The following DOT1L variants were observed in gnomAD, a reference collection of about 807,000 sequenced individuals.
DOT1L encodes the protein DOT1 like histone lysine methyltransferase, also known as histone-lysine N-methyltransferase, H3 lysine-79 specific.
DOT1L carries 33 observed loss-of-function variants against 153.3 expected under a neutral mutation model. The observed-to-expected ratio is 0.22, with a 90% CI of 0.16 to 0.29. DOT1L has a LOEUF of 0.29. DOT1L is among the 10% of genes least tolerant of loss of function. DOT1L has a pLI of 1.00. For synonymous variants in DOT1L, 1,135 were observed against 965.1 expected (o/e 1.18, Z -3.26); for missense variants, 1,847 against 2,119.9 (o/e 0.87, Z 2.53).
At chr19:2,210,353 G>T in intron 12 of DOT1L, 47 bp from the exon 13 acceptor site, 1 of 1,443,032 alleles carries the variant, frequency 6.9e-7, no homozygotes, top group Non-Finnish European at 9.1e-7. Flanking sequence ...CAGGAGGGCC[G>T]TGGGCAGCGC....
chr19:2,216,785 TG>T lies in DOT1L; in HGVS notation c.2408+25del, dbSNP rs2144870563. 6.3e-7 allele frequency: 1 copy of T among 1,575,512 alleles called. No homozygotes were observed. Among genetic ancestry groups the T allele is most frequent in the Non-Finnish European group, 8.6e-7 (1 of 1,163,488 alleles). ...TTCGAGGTGAGTGCCCTGGTGGGGC[TG>T]GGGGTCTGCAGCTGGTACCTGCCGA... is the stretch of plus-strand genomic sequence containing the variant. On this transcript the variant is annotated intron_variant, in intron 20 of 27. Transcript: ENST00000398665.
In DOT1L at chr19:2,220,772, G is replaced by T. The variant is rs1432445959; in HGVS notation, c.2806+550G>T. On this transcript the variant is annotated intron_variant, in intron 23 of 27. Transcript: ENST00000398665. The surrounding 1 kb of genome is among the most constrained non-coding windows in gnomAD (Gnocchi z 4.5). ...ACAGCATGTCAGCGGGCATGGCTGT[G>T]TGCCAGCAAAACTGTACTTAAAACA... is the stretch of plus-strand genomic sequence containing the variant. 2.9e-6 allele frequency: 1 copy of T among 345,322 alleles called. No individual in the cohort carries two copies. Among genetic ancestry groups the T allele is most frequent in the East Asian group, 7.6e-5 (1 of 13,112 alleles). The allele number at this position is 345,322 out of a possible 1,614,324, so 21.4% of individuals were successfully genotyped here. A position where few individuals can be genotyped will look rare whatever the true frequency, so the allele number is the denominator to read the frequency against.
chr19:2,228,562 A>G (rs1003036431), intron 27 of DOT1L: 2 of 985,202 alleles, frequency 2.0e-6, no homozygotes, highest in Non-Finnish European at 2.4e-6. Context: ...GGCACCAGCC[A>G]TGGAGTGGCC....
intron 7 of DOT1L, among the ~76,000 whole-genome samples, chr19:2,199,404 C>T (rs2023152641): frequency 6.6e-6 from 1 of 152,258 alleles, no homozygotes; most frequent in African/African-American, 2.4e-5. Context: ...CCGAGTGTCG[C>T]TGCCTGCCGC....
Position 2,210,999 on chromosome 19 carries a change from C to T in DOT1L, c.1352-100C>T, listed in dbSNP as rs530028745. 1.2e-5 allele frequency: 17 copies of T among 1,459,442 alleles called. No homozygotes were observed. The South Asian group carries it at 1.7e-4, about 15-fold the overall frequency. The allele number at this position is 1,459,442 out of a possible 1,614,324, so 90.4% of individuals were successfully genotyped here. A position where few individuals can be genotyped will look rare whatever the true frequency, so the allele number is the denominator to read the frequency against. On this transcript the variant is annotated intron_variant, in intron 14 of 27. Transcript: ENST00000398665. ...GTTGTGGCTGTGCCTTCAGGGTGGC[C>T]CCATCCTAAGGGGTTGCTGGGCACC...
chr19:2,179,576 G>C (rs1416117870), intron 1 of DOT1L, among the ~76,000 whole-genome samples: 3 of 152,312 alleles, frequency 2.0e-5, no homozygotes, highest in Non-Finnish European at 4.4e-5. Context: ...GGGAGGCTGA[G>C]GTGGGCGGAT....
chr19:2,198,468 C>T lies in DOT1L; in HGVS notation c.652-1416C>T, dbSNP rs943076029. ...CCCTCTGGATCTGCGTCTGGGTGGA[C>T]GAGTGGCCCTGTCCTCCGGGCCCGG... On this transcript the variant is annotated intron_variant, in intron 7 of 27. Transcript: ENST00000398665. 9.8e-5 allele frequency among the ~76,000 whole-genome samples: 15 copies of T among 152,332 alleles called. No homozygotes were observed. In the East Asian group the frequency reaches 1.5e-3, roughly 16 times the overall value.
chr19:2,214,140 C>T (rs2023817049), intron 18 of DOT1L, 154 bp downstream of exon 18: 5 of 1,296,484 alleles, frequency 3.9e-6, no homozygotes, highest in South Asian at 1.5e-5. Context: ...GCTTGTCGAG[C>T]GCGTCACAGC....
chr19:2,194,465 C>T (rs1010039234), intron 6 of DOT1L, 50 bp from the exon 7 acceptor site: 5 of 1,611,680 alleles, frequency 3.1e-6, no homozygotes, highest in Non-Finnish European at 4.2e-6. Flanking sequence ...GCCACCGCGC[C>T]TGGCTTGCCC....
chr19:2,227,889 G>A, intron 27 of DOT1L: 1 of 1,264,950 alleles, frequency 7.9e-7, no homozygotes, highest in Non-Finnish European at 1.0e-6. Context: ...CCCGGCCTCG[G>A]TTGAGACCCG....
At chr19:2,229,011 C>G in intron 27 of DOT1L, 9 of 985,462 alleles carry the variant, frequency 9.1e-6, no homozygotes, top group Non-Finnish European at 1.1e-5. Context: ...GGCCCCCTTG[C>G]TGGACACGGC....
chr19:2,175,894 C>T (rs771460408), intron 1 of DOT1L, among the ~76,000 whole-genome samples: 14 of 152,138 alleles, frequency 9.2e-5, no homozygotes, highest in Non-Finnish European at 1.6e-4. Flanking sequence ...GGAACTCCCA[C>T]ACGAGCTGGA....
intron 2 of DOT1L, among the ~76,000 whole-genome samples, chr19:2,185,151 A>G (rs1243002028): frequency 6.6e-6 from 1 of 152,006 alleles, no homozygotes; most frequent in African/African-American, 2.4e-5. Flanking sequence ...TGATCTGCCC[A>G]CCTCGGCCTC....
At position 2,232,009 on chromosome 19, in the gene DOT1L, G is replaced by C; in HGVS notation, c.*2217G>C. 4.8e-6 allele frequency: 1 copy of C among 208,554 alleles called. No individual in the cohort carries two copies. Among genetic ancestry groups the C allele is most frequent in the African/African-American group, 2.3e-5 (1 of 43,976 alleles). The allele number at this position is 208,554 out of a possible 1,614,324, so 12.9% of individuals were successfully genotyped here. A position where few individuals can be genotyped will look rare whatever the true frequency, so the allele number is the denominator to read the frequency against. On this transcript the variant is annotated 3_prime_UTR_variant, in exon 28 of 28. Coordinates refer to ENST00000398665, the MANE Select transcript of DOT1L (RefSeq NM_032482.3). ...GGACACCCTCCTGTTCTGAGCCCTG[G>C]GCCTGTGTTCTTCTCAGACACTCCC...
chr19:2,168,995 G>T lies in DOT1L; in HGVS notation c.81+4730G>T, dbSNP rs78892835. ...AAGTGGCATTATTGGTTGTTTGCTC[G>T]GAAAGAACCTTCAAAGGCCACAGAA... is the stretch of plus-strand genomic sequence containing the variant. On this transcript the variant is annotated intron_variant, in intron 1 of 27. Transcript: ENST00000398665. 7.0e-3 allele frequency among the ~76,000 whole-genome samples: 1,068 copies of T among 152,218 alleles called. 11 individuals carry two copies. The highest frequency in any genetic ancestry group is 0.034 in the East Asian group (178 of 5,184).
Position 2,232,249 on chromosome 19 carries a change from G to A in DOT1L, c.*2457G>A, listed in dbSNP as rs1305813367. 1 of 218,872 alleles carries A rather than the reference G, an allele frequency of 4.6e-6. No individual in the cohort carries two copies. The highest frequency in any genetic ancestry group is 9.2e-6 in the Non-Finnish European group (1 of 109,154). 13.6% of individuals were successfully genotyped at this position (218,872 alleles called of 1,614,324 possible). On this transcript the variant is annotated 3_prime_UTR_variant, in exon 28 of 28. Coordinates refer to ENST00000398665, the MANE Select transcript of DOT1L (RefSeq NM_032482.3). ...CTAGGATACCCCCTCCTCGGCCCAT[G>A]AGGCACGCACAGTGACTTATTTAAG... is the stretch of plus-strand genomic sequence containing the variant.
At position 2,226,271 on chromosome 19, in the gene DOT1L, C is replaced by T; in HGVS notation, c.3750C>T (p.Asp1250=). Residue 1250 remains aspartate, a synonymous_variant, in exon 27 of 28, where the codon GAC becomes GAT. Transcript: ENST00000398665. ...AGTCCACCTTCTCGCCCATCTCCGA[C>T]ATCGGCCTGGCCAAGTCGGCGGACA... ...KWKSTFSPIS[D]IGLAKSADSP... is the part of the protein sequence containing the mutation. 3 of 1,593,156 alleles carry T rather than the reference C, an allele frequency of 1.9e-6. 1 individual carries two copies. The highest frequency in any genetic ancestry group is 8.6e-7 in the Non-Finnish European group (1 of 1,168,832).
At chr19:2,228,180 G>T in intron 27 of DOT1L, 23 of 1,362,964 alleles carry the variant, frequency 1.7e-5, no homozygotes, top group Non-Finnish European at 2.2e-5. Flanking sequence ...GCACAAGGGC[G>T]CCCGCCCCTC....
chr19:2,229,420 G>C, intron 27 of DOT1L: 3 of 985,484 alleles, frequency 3.0e-6, no homozygotes, highest in Non-Finnish European at 3.6e-6. Flanking sequence ...CCAAGGCGGA[G>C]GCTGTGGCCA....
Sources: allele counts gnomAD v4.1 joint callset (sites outside exome capture counted in the v4.1 genomes callset), GRCh38; gene constraint gnomAD v4.1.1; non-coding constraint Gnocchi (gnomAD v3.1); transcripts MANE v1.5; gene names NCBI Gene and HGNC (gene_info 2026-07-23, HGNC 2026-07-21).